The following MLLT3 variants were observed in gnomAD, a reference collection of about 807,000 sequenced individuals.
The protein encoded by MLLT3 is MLLT3 super elongation complex subunit.
MLLT3 carries 4 observed loss-of-function variants against 53.2 expected under a neutral mutation model. The observed-to-expected ratio is 0.08, with a 90% confidence interval of 0.04 to 0.17. The LOEUF is 0.17. Among genes scored for constraint, MLLT3 ranks in the 10% least tolerant of loss-of-function variants. MLLT3 has a pLI of 1.00. For synonymous variants in MLLT3, 283 were observed against 230.6 expected (o/e 1.23, Z -2.06); for missense variants, 569 against 684.0 (o/e 0.83, Z 1.87).
chr9:20,492,452 G>T (rs1384951156), intron 2 of MLLT3, among the ~76,000 whole-genome samples: 1 of 151,816 alleles, frequency 6.6e-6, no homozygotes, highest in Non-Finnish European at 1.5e-5. Context: ...GCATTTATAT[G>T]TTCCAAGTGT....
At chr9:20,435,170 G>T (rs1823370843) in intron 4 of MLLT3, among the ~76,000 whole-genome samples, 1 of 152,010 alleles carries the variant, frequency 6.6e-6, no homozygotes, top group African/African-American at 2.4e-5. Flanking sequence ...AGCACATGAG[G>T]GCGGCCTGGA....
chr9:20,441,609 T>G (rs549495833), intron 4 of MLLT3, among the ~76,000 whole-genome samples: 66 of 152,256 alleles, frequency 4.3e-4, no homozygotes, highest in African/African-American at 1.4e-3. Context: ...CGTCTTACAT[T>G]TATTTAAATA....
intron 2 of MLLT3, among the ~76,000 whole-genome samples, chr9:20,522,708 C>G (rs1003219113): frequency 3.3e-5 from 5 of 151,704 alleles, no homozygotes; most frequent in Admixed American, 6.6e-5. Context: ...GGGATGCTGT[C>G]AAGAGAATCA....
intron 3 of MLLT3, among the ~76,000 whole-genome samples, chr9:20,455,397 T>C (rs536003742): frequency 5.5e-4 from 84 of 152,332 alleles, no homozygotes; most frequent in South Asian, 3.9e-3. Flanking sequence ...GTGGAAGGGA[T>C]TGCACATTAA....
chr9:20,602,761 T>TACACATAC (rs1820459952), intron 2 of MLLT3, among the ~76,000 whole-genome samples: 1 of 147,184 alleles, frequency 6.8e-6, no homozygotes, highest in South Asian at 2.2e-4. Context: ...TTAAGTTTGA[T>TACACATAC]ACACACACAC....
intron 5 of MLLT3, among the ~76,000 whole-genome samples, chr9:20,409,472 T>G (rs1363788128): frequency 2.0e-5 from 3 of 152,164 alleles, no homozygotes; most frequent in Non-Finnish European, 4.4e-5. Flanking sequence ...TTATAAACCT[T>G]TAGTTGACAC....
chr9:20,366,132 G>C (rs968761646), intron 5 of MLLT3, among the ~76,000 whole-genome samples: 1 of 152,034 alleles, frequency 6.6e-6, no homozygotes, highest in African/African-American at 2.4e-5. Context: ...CATGTGCCAC[G>C]GTGGTTTACT....
chr9:20,432,742 C>T (rs541851102), intron 4 of MLLT3, among the ~76,000 whole-genome samples: 2 of 152,146 alleles, frequency 1.3e-5, no homozygotes, highest in South Asian at 4.2e-4. Context: ...TACATATCGG[C>T]GTAAACAAAC....
At chr9:20,593,605 T>G (rs949484875) in intron 2 of MLLT3, among the ~76,000 whole-genome samples, 4 of 152,230 alleles carry the variant, frequency 2.6e-5, no homozygotes, top group Non-Finnish European at 5.9e-5. Context: ...TGTTATTAGA[T>G]TCTAGTCTCA....
Position 20,417,544 on chromosome 9 carries a change from C to T in MLLT3, c.421-3119G>A, listed in dbSNP as rs1013568199. Among the ~76,000 whole-genome samples, 18 of 151,968 alleles carry T rather than the reference C, an allele frequency of 1.2e-4. No individual in the cohort carries two copies. In the South Asian group the frequency reaches 2.9e-3, roughly 25 times the overall value. On this transcript the variant is annotated intron_variant, in intron 4 of 10. Transcript: ENST00000380338. Reference sequence around the variant, plus strand: ...ACACATGTATAATTCAAATTCTCTTCGCCTGAGGCTGATTAGGACAAACTG... The same window carrying T: ...ACACATGTATAATTCAAATTCTCTTTGCCTGAGGCTGATTAGGACAAACTG...
At chr9:20,615,681 T>C (rs1200556073) in intron 2 of MLLT3, among the ~76,000 whole-genome samples, 7 of 151,950 alleles carry the variant, frequency 4.6e-5, no homozygotes, top group Non-Finnish European at 2.9e-5. Context: ...CCCTATGATC[T>C]TTTCAGGTGA....
chr9:20,467,559 AG>A (rs767133955), intron 2 of MLLT3, among the ~76,000 whole-genome samples: 6 of 152,232 alleles, frequency 3.9e-5, no homozygotes, highest in Non-Finnish European at 8.8e-5. Context: ...GCCTGGCGAC[AG>A]AGTGGCACTC....
At chr9:20,499,185 A>C (rs1224611265) in intron 2 of MLLT3, among the ~76,000 whole-genome samples, 1 of 152,216 alleles carries the variant, frequency 6.6e-6, no homozygotes, top group Non-Finnish European at 1.5e-5. Context: ...TCATAAAGAC[A>C]GCAGTCACTG....
chr9:20,376,023 T>C (rs186081294), intron 5 of MLLT3, among the ~76,000 whole-genome samples: 1 of 152,330 alleles, frequency 6.6e-6, no homozygotes, highest in Admixed American at 6.5e-5. Flanking sequence ...TAAAATCATA[T>C]ATTTTATTTA....
At chr9:20,368,418 T>C (rs183890658) in intron 5 of MLLT3, among the ~76,000 whole-genome samples, 2 of 152,280 alleles carry the variant, frequency 1.3e-5, no homozygotes, top group African/African-American at 4.8e-5. Context: ...TTCCTTACAG[T>C]GAGCAGAGAG....
At chr9:20,538,323 A>C (rs375666475) in intron 2 of MLLT3, among the ~76,000 whole-genome samples, 5 of 152,334 alleles carry the variant, frequency 3.3e-5, no homozygotes, top group East Asian at 3.9e-4. Flanking sequence ...AAGGCAATTG[A>C]AACAAAGGGG....
chr9:20,621,902 C>CAT lies in MLLT3; in HGVS notation c.12+342_12+343insAT. On this transcript the variant is annotated intron_variant, in intron 1 of 10. Coordinates refer to ENST00000380338, the MANE Select transcript of MLLT3 (RefSeq NM_004529.4). The surrounding 1 kb of genome is among the most constrained non-coding windows in gnomAD (Gnocchi z 7.0). ...TGAGTTATTATTCGCCTCCTTCCAC[C>CAT]GTGTGTGTGTGTGTGTGTGAGTGCG... 6 of 1,232,558 alleles carry CAT rather than the reference C, an allele frequency of 4.9e-6. No individual in the cohort carries two copies. Among genetic ancestry groups the CAT allele is most frequent in the Non-Finnish European group, 6.3e-6 (6 of 958,266 alleles). The allele number at this position is 1,232,558 out of a possible 1,614,324, so 76.4% of individuals were successfully genotyped here. A position where few individuals can be genotyped will look rare whatever the true frequency, so the allele number is the denominator to read the frequency against.
rs1337698434 is a variant in MLLT3 at position 20,621,636 on chromosome 9, G to C, written c.12+609C>G. ...CCCCCAAAAAATGAAATTCAGAAAG[G>C]CAGGGCGGCGGGCGGACAGCCGCCG... On this transcript the variant is annotated intron_variant, in intron 1 of 10. Coordinates refer to ENST00000380338, the MANE Select transcript of MLLT3 (RefSeq NM_004529.4). The surrounding 1 kb of genome is among the most constrained non-coding windows in gnomAD (Gnocchi z 7.0). 1.2e-5 allele frequency: 10 copies of C among 809,518 alleles called. No homozygotes were observed. The East Asian group carries it at 3.3e-4, about 27-fold the overall frequency. The allele number at this position is 809,518 out of a possible 1,614,324, so 50.1% of individuals were successfully genotyped here. A position where few individuals can be genotyped will look rare whatever the true frequency, so the allele number is the denominator to read the frequency against.
intron 2 of MLLT3, among the ~76,000 whole-genome samples, chr9:20,524,661 C>G (rs7023694): frequency 0.41 from 62,392 of 151,946 alleles, 13,623 homozygotes; most frequent in East Asian, 0.53. Context: ...CACAGGGTAG[C>G]TGTCATGAAT....
Sources: allele counts gnomAD v4.1 joint callset (sites outside exome capture counted in the v4.1 genomes callset), GRCh38; gene constraint gnomAD v4.1.1; non-coding constraint Gnocchi (gnomAD v3.1); transcripts MANE v1.5; gene names NCBI Gene and HGNC (gene_info 2026-07-23, HGNC 2026-07-21).